CDH13: variants seen among roughly 807,000 people sequenced by gnomAD.
CDH13 encodes cadherin-13.
A neutral mutation model predicts 63.8 loss-of-function variants in CDH13; 24 were observed. The observed-to-expected ratio is 0.38, with a 90% CI of 0.27 to 0.53. The LOEUF is 0.53. Ranked by LOEUF, CDH13 falls within the 20% of genes least tolerant of loss-of-function variation. The pLI, the probability that CDH13 is intolerant of heterozygous loss-of-function variation, is 0.85. For missense variants in CDH13, 1,049 were observed against 903.1 expected (o/e 1.16, Z -2.07); for synonymous variants, 503 against 355.3 (o/e 1.42, Z -4.67).
At chr16:83,045,886 A>G (rs1028486766) in intron 3 of CDH13, among the ~76,000 whole-genome samples, 2 of 152,224 alleles carry the variant, frequency 1.3e-5, no homozygotes, top group Admixed American at 6.5e-5. Context: ...AGAAGCCTGA[A>G]TGTTTGTAGA....
chr16:83,460,275 C>T (rs549541911), intron 6 of CDH13, among the ~76,000 whole-genome samples: 1 of 152,204 alleles, frequency 6.6e-6, no homozygotes, highest in Non-Finnish European at 1.5e-5. Flanking sequence ...AAAACAGAGA[C>T]CCTCGCTGAC....
intron 5 of CDH13, among the ~76,000 whole-genome samples, chr16:83,269,047 G>A (rs1034596402): frequency 3.3e-5 from 5 of 152,166 alleles, no homozygotes; most frequent in African/African-American, 9.7e-5. Context: ...CTGTAAAGAC[G>A]CTTTTACTGT....
intron 2 of CDH13, among the ~76,000 whole-genome samples, chr16:82,943,709 G>C (rs906684754): frequency 9.2e-5 from 14 of 152,320 alleles, no homozygotes; most frequent in Middle Eastern, 3.4e-3. Context: ...ACCTGGCCTT[G>C]CCCTTCAGGC....
At chr16:83,444,700 G>T (rs909041776) in intron 6 of CDH13, among the ~76,000 whole-genome samples, 4 of 152,096 alleles carry the variant, frequency 2.6e-5, no homozygotes, top group Non-Finnish European at 5.9e-5. Context: ...TAATGTTTTG[G>T]GTAGCATGGC....
At chr16:82,920,936 A>G (rs1452886459) in intron 2 of CDH13, among the ~76,000 whole-genome samples, 4 of 152,226 alleles carry the variant, frequency 2.6e-5, no homozygotes, top group South Asian at 4.1e-4. Context: ...AAAATCTTTT[A>G]TCATGAATAA....
intron 7 of CDH13, among the ~76,000 whole-genome samples, chr16:83,522,646 T>C (rs1343282128): frequency 2.0e-5 from 3 of 152,186 alleles, no homozygotes; most frequent in African/African-American, 7.2e-5. Flanking sequence ...AGTGGGTTCT[T>C]AAACACCTGC....
At chr16:82,835,052 A>G in intron 1 of CDH13, among the ~76,000 whole-genome samples, 1 of 152,236 alleles carries the variant, frequency 6.6e-6, no homozygotes. Flanking sequence ...GTAAAAAGAA[A>G]CAGGTGACGT....
At chr16:83,058,405 T>A (rs185370469) in intron 3 of CDH13, among the ~76,000 whole-genome samples, 1 of 152,226 alleles carries the variant, frequency 6.6e-6, no homozygotes, top group Non-Finnish European at 1.5e-5. Context: ...GGCGGTTTGG[T>A]GTTCCTATGT....
chr16:82,794,707 A>G (rs979857457), intron 1 of CDH13, among the ~76,000 whole-genome samples: 3 of 151,990 alleles, frequency 2.0e-5, no homozygotes, highest in African/African-American at 7.3e-5. Context: ...TAAATATAAT[A>G]CCCCTTCAGC....
At chr16:83,183,547 C>T (rs12597968) in intron 4 of CDH13, among the ~76,000 whole-genome samples, 80,820 of 152,064 alleles carry the variant, frequency 0.53, 23,916 homozygotes, top group East Asian at 0.71. Flanking sequence ...GAATTAAACT[C>T]AATTTTTCTT....
At chr16:83,651,135 A>C (rs1052655589) in intron 8 of CDH13, among the ~76,000 whole-genome samples, 2 of 152,066 alleles carry the variant, frequency 1.3e-5, no homozygotes, top group African/African-American at 4.8e-5. Flanking sequence ...TGATCAGAAC[A>C]CTTCTGGTTA....
intron 10 of CDH13, among the ~76,000 whole-genome samples, chr16:83,737,248 C>T (rs401443): frequency 0.44 from 66,878 of 152,042 alleles, 15,158 homozygotes; most frequent in African/African-American, 0.54. Flanking sequence ...TTAGTGAGCG[C>T]TGTTAGACTC....
At chr16:83,540,970 G>C (rs1455583776) in intron 7 of CDH13, among the ~76,000 whole-genome samples, 2 of 152,186 alleles carry the variant, frequency 1.3e-5, no homozygotes, top group Non-Finnish European at 1.5e-5. Context: ...ATGCCAGTTT[G>C]TTTGGTAAAT....
intron 3 of CDH13, among the ~76,000 whole-genome samples, chr16:83,096,138 C>G (rs894999214): frequency 6.6e-6 from 1 of 152,186 alleles, no homozygotes. Context: ...ACAGGTACAA[C>G]TCTGTAAGGG....
intron 5 of CDH13, among the ~76,000 whole-genome samples, chr16:83,259,740 C>A (rs1171520389): frequency 6.6e-6 from 1 of 152,054 alleles, no homozygotes. Context: ...TGAGGAAACT[C>A]GCTTCAGTTT....
chr16:83,010,172 C>G (rs1490583673), intron 2 of CDH13, among the ~76,000 whole-genome samples: 4 of 104,324 alleles, frequency 3.8e-5, no homozygotes, highest in African/African-American at 1.1e-4. Context: ...ACAAGAATGG[C>G]TCAGGTAGGG....
intron 8 of CDH13, among the ~76,000 whole-genome samples, chr16:83,654,333 G>A (rs1230104262): frequency 6.6e-6 from 1 of 152,076 alleles, no homozygotes; most frequent in Non-Finnish European, 1.5e-5. Context: ...CACGTGGTGG[G>A]GTTTATCTGA....
intron 5 of CDH13, among the ~76,000 whole-genome samples, chr16:83,266,100 C>CGTG (rs1210631210): frequency 1.3e-5 from 2 of 152,050 alleles, no homozygotes; most frequent in African/African-American, 4.8e-5. Context: ...CCACGTCCGG[C>CGTG]TAATTTTTGT....
chr16:83,481,501 C>G (rs1220623542), intron 6 of CDH13, among the ~76,000 whole-genome samples: 1 of 152,166 alleles, frequency 6.6e-6, no homozygotes, highest in Non-Finnish European at 1.5e-5. Context: ...AGCTGGCTTT[C>G]AAGGTCAAGA....
Sources: allele counts gnomAD v4.1 joint callset (sites outside exome capture counted in the v4.1 genomes callset), GRCh38; gene constraint gnomAD v4.1.1; transcripts MANE v1.5; gene names NCBI Gene and HGNC (gene_info 2026-07-23, HGNC 2026-07-21).